The following ADAMTSL3 variants were observed in gnomAD, a reference collection of about 807,000 sequenced individuals.
The protein encoded by ADAMTSL3 is ADAMTS like 3, also known as ADAMTS-like protein 3.
In ADAMTSL3, 128 loss-of-function variants were observed where a neutral mutation model predicts 201.7. The ratio of observed to expected loss-of-function variants is 0.63; its 90% CI spans 0.55 to 0.73. The LOEUF (loss-of-function observed/expected upper bound fraction) is 0.73. ADAMTSL3 is among the 30% of genes least tolerant of loss of function. The pLI, the probability that ADAMTSL3 is intolerant of heterozygous loss-of-function variation, is 0.00. For synonymous variants in ADAMTSL3, 738 were observed against 748.4 expected, an observed-to-expected ratio of 0.99 and a Z score of 0.23; for missense variants, 1,990 against 2,119.6, an observed-to-expected ratio of 0.94 and a Z score of 1.20.
chr15:83,766,810 G>A (rs1309012025), intron 3 of ADAMTSL3, among the ~76,000 whole-genome samples: 1 of 152,156 alleles, frequency 6.6e-6, no homozygotes, highest in Non-Finnish European at 1.5e-5. Context: ...AATTATAGAT[G>A]ATGGCTGGGC....
intron 13 of ADAMTSL3, 64 bp downstream of exon 13, chr15:83,892,952 C>T (rs1413394821): frequency 1.4e-6 from 2 of 1,479,700 alleles, no homozygotes; most frequent in Non-Finnish European, 1.9e-6. Flanking sequence ...TTTCTATATG[C>T]CCACCATGGT....
intron 3 of ADAMTSL3, among the ~76,000 whole-genome samples, chr15:83,724,409 T>G (rs905329066): frequency 6.6e-6 from 1 of 152,104 alleles, no homozygotes; most frequent in Non-Finnish European, 1.5e-5. Flanking sequence ...ATTCATTTAT[T>G]TTTAACATTT....
At chr15:84,037,580 C>T in intron 29 of ADAMTSL3, 120 bp from the exon 30 acceptor site, 1 of 1,165,134 alleles carries the variant, frequency 8.6e-7, no homozygotes, top group Non-Finnish European at 1.2e-6. Context: ...GGCCCTAACC[C>T]AAAGCTGGTT....
At chr15:83,770,656 TTAATC>T (rs1329618854) in intron 3 of ADAMTSL3, among the ~76,000 whole-genome samples, 1 of 152,228 alleles carries the variant, frequency 6.6e-6, no homozygotes, top group Non-Finnish European at 1.5e-5. Flanking sequence ...ATATCCAAGA[TTAATC>T]TATTAATCTA....
intron 2 of ADAMTSL3, among the ~76,000 whole-genome samples, chr15:83,665,449 A>G (rs571435909): frequency 2.6e-5 from 4 of 152,334 alleles, no homozygotes; most frequent in African/African-American, 9.6e-5. Flanking sequence ...AGCAGAGTGT[A>G]TTCCGTATAT....
At chr15:83,941,512 A>G (rs1263391929) in intron 17 of ADAMTSL3, among the ~76,000 whole-genome samples, 1 of 152,196 alleles carries the variant, frequency 6.6e-6, no homozygotes, top group African/African-American at 2.4e-5. Flanking sequence ...TTATAAATGC[A>G]TAAAATAGGA....
chr15:83,729,352 C>A (rs1458507698), intron 3 of ADAMTSL3, among the ~76,000 whole-genome samples: 2 of 151,984 alleles, frequency 1.3e-5, no homozygotes, highest in African/African-American at 4.8e-5. Flanking sequence ...CTACCCTAAT[C>A]TTTCTCTCTA....
At chr15:83,776,883 T>C (rs1045015826) in intron 4 of ADAMTSL3, among the ~76,000 whole-genome samples, 3 of 152,186 alleles carry the variant, frequency 2.0e-5, no homozygotes, top group African/African-American at 7.2e-5. Context: ...TATGTAAGTA[T>C]CCTGAAGCAG....
chr15:83,691,373 A>G (rs1294956860), intron 2 of ADAMTSL3, among the ~76,000 whole-genome samples: 1 of 152,088 alleles, frequency 6.6e-6, no homozygotes, highest in African/African-American at 2.4e-5. Flanking sequence ...GGAGAGTAAG[A>G]CCTGGAGACC....
At chr15:83,973,670 G>T (rs2067233626) in intron 20 of ADAMTSL3, among the ~76,000 whole-genome samples, 1 of 152,076 alleles carries the variant, frequency 6.6e-6, no homozygotes, top group Non-Finnish European at 1.5e-5. Context: ...CTCTATCAAT[G>T]AACTTGTCTT....
intron 3 of ADAMTSL3, among the ~76,000 whole-genome samples, chr15:83,711,603 A>G (rs1279458999): frequency 6.6e-6 from 1 of 152,260 alleles, no homozygotes; most frequent in Non-Finnish European, 1.5e-5. Flanking sequence ...AAGCAAGCTC[A>G]TGGTCTGTTA....
Position 83,982,462 on chromosome 15 carries a change from A to G in ADAMTSL3, c.2834A>G (p.Gln945Arg), listed in dbSNP as rs1163935818. 1 of 1,614,200 alleles carries G rather than the reference A, an allele frequency of 6.2e-7. No individual in the cohort carries two copies. The highest frequency in any genetic ancestry group is 8.5e-7 in the Non-Finnish European group (1 of 1,180,030). Residue 945 changes from glutamine (Q) to arginine (R), a missense_variant, in exon 21 of 30, where the codon CAG (glutamine) becomes CGG (arginine). Transcript: ENST00000286744. ...PVRRFQKSLI[Q>R]WEKDGRCLQN... ...CGACGATTCCAGAAATCTCTGATCC[A>G]GTGGGAGAAGGATGGCCGTTGCCTG...
chr15:83,663,521 T>A (rs2061204480), intron 2 of ADAMTSL3, among the ~76,000 whole-genome samples: 1 of 152,246 alleles, frequency 6.6e-6, no homozygotes, highest in Admixed American at 6.5e-5. Flanking sequence ...TTTGCTTACT[T>A]GAGTATTTCC....
chr15:83,829,512 A>C (rs889199340), intron 6 of ADAMTSL3, among the ~76,000 whole-genome samples: 2 of 151,830 alleles, frequency 1.3e-5, no homozygotes, highest in Non-Finnish European at 2.9e-5. Flanking sequence ...AGGTTTTTTT[A>C]TGTCTCTATC....
intron 3 of ADAMTSL3, among the ~76,000 whole-genome samples, chr15:83,733,352 G>A (rs1475136316): frequency 6.6e-6 from 1 of 152,164 alleles, no homozygotes; most frequent in African/African-American, 2.4e-5. Context: ...GACTATAGAA[G>A]TGGAGAGGAA....
At position 84,016,363 on chromosome 15, in the gene ADAMTSL3, C is replaced by G. The variant is rs780401937; in HGVS notation, c.4157-20C>G. 6.3e-7 allele frequency: 1 copy of G among 1,584,672 alleles called. No individual in the cohort carries two copies. Among genetic ancestry groups the G allele is most frequent in the Non-Finnish European group, 8.7e-7 (1 of 1,155,526 alleles). The stretch of plus-strand genomic sequence containing the variant: ...AGATAATGTCTAACTGGTAAAAGTG[C>G]TACTTTTTTTTTTCCTCAGAACGAA... On this transcript the variant is annotated intron_variant, in intron 24 of 29. Coordinates refer to ENST00000286744, the MANE Select transcript of ADAMTSL3 (RefSeq NM_207517.3).
In ADAMTSL3 at chr15:83,942,791, A is replaced by G; in HGVS notation, c.2310+3A>G. 1 of 1,612,324 alleles carries G rather than the reference A, an allele frequency of 6.2e-7. No homozygotes were observed. The highest frequency in any genetic ancestry group is 8.5e-7 in the Non-Finnish European group (1 of 1,179,208). On this transcript the variant is annotated splice_donor_region_variant and intron_variant, in intron 18 of 29. Transcript: ENST00000286744. ...GGCACATTGAAGAATGGCAGCAGGT[A>G]GGGCAGACTGGCCACTCCAGGGCCC...
intron 25 of ADAMTSL3, among the ~76,000 whole-genome samples, chr15:84,020,374 T>C (rs1408565302): frequency 1.3e-5 from 2 of 152,202 alleles, no homozygotes; most frequent in African/African-American, 4.8e-5. Flanking sequence ...GAAAATTAAA[T>C]GAAAAATTGA....
At chr15:83,895,715 T>C (rs1327161757) in intron 13 of ADAMTSL3, among the ~76,000 whole-genome samples, 1 of 152,198 alleles carries the variant, frequency 6.6e-6, no homozygotes, top group Non-Finnish European at 1.5e-5. Flanking sequence ...TATCTTGTAC[T>C]GTTTTCTTTC....
Sources: gnomAD v4.1 joint callset for allele counts (sites outside exome capture counted in the v4.1 genomes callset) on GRCh38, gnomAD v4.1.1 for gene constraint, MANE v1.5 for transcripts, NCBI Gene and HGNC (gene_info 2026-07-23, HGNC 2026-07-21) for gene names.